Variants in DOCK3 observed in about 807,000 individuals in gnomAD.
DOCK3 encodes dedicator of cytokinesis protein 3.
Under a neutral mutation model 265.6 loss-of-function variants are expected in DOCK3, and 60 were observed. The observed-to-expected ratio is 0.23, with a 90% CI of 0.18 to 0.28. The LOEUF (loss-of-function observed/expected upper bound fraction) is 0.28. DOCK3 is among the 10% of genes least tolerant of loss of function. DOCK3 has a pLI of 1.00. For synonymous variants in DOCK3, 881 were observed against 938.0 expected (o/e 0.94, Z 1.11); for missense variants, 1,981 against 2,594.3 (o/e 0.76, Z 5.14).
rs1177315920 is a variant in DOCK3 at position 51,381,623 on chromosome 3, A to C, written c.*64A>C. On this transcript the variant is annotated 3_prime_UTR_variant, in exon 53 of 53. Transcript: ENST00000266037. This position sits in a 1 kb window ranked among gnomAD's most constrained non-coding sequence, Gnocchi z 5.6. Reference sequence around the variant, plus strand: ...AGCTTGCCAATCACTCCAGGTCTGAAAAGCAAGTCCCCCAGCCCCACCCCA... The same window carrying C: ...AGCTTGCCAATCACTCCAGGTCTGACAAGCAAGTCCCCCAGCCCCACCCCA... 5.6e-6 allele frequency: 8 copies of C among 1,438,564 alleles called. No individual in the cohort carries two copies. Among genetic ancestry groups the C allele is most frequent in the Non-Finnish European group, 7.3e-6 (8 of 1,100,906 alleles). The allele number at this position is 1,438,564 out of a possible 1,614,324, so 89.1% of individuals were successfully genotyped here.
chr3:51,007,292 C>A (rs1389065277), intron 5 of DOCK3, among the ~76,000 whole-genome samples: 2 of 152,058 alleles, frequency 1.3e-5, no homozygotes, highest in African/African-American at 4.8e-5. Flanking sequence ...CCTGTTGTTT[C>A]CTGACTTTTT....
chr3:50,697,515 C>G (rs547569679), intron 1 of DOCK3, among the ~76,000 whole-genome samples: 1 of 152,220 alleles, frequency 6.6e-6, no homozygotes, highest in Admixed American at 6.5e-5. Context: ...CACCTAAGCC[C>G]AGGAGGCGGA....
At chr3:50,709,726 T>C (rs1004948816) in intron 1 of DOCK3, among the ~76,000 whole-genome samples, 1 of 152,184 alleles carries the variant, frequency 6.6e-6, no homozygotes, top group African/African-American at 2.4e-5. Context: ...CTTGGGAGGC[T>C]GAGGCAGGAG....
At chr3:51,336,925 A>C (rs1279820619) in intron 35 of DOCK3, 1 of 455,840 alleles carries the variant, frequency 2.2e-6, no homozygotes. Context: ...GGGCCAACTT[A>C]CTGGGGAGAC....
At position 51,321,023 on chromosome 3, in the gene DOCK3, C is replaced by T. The variant is rs1235093034; in HGVS notation, c.3402+5895C>T. 5.9e-5 allele frequency among the ~76,000 whole-genome samples: 9 copies of T among 152,210 alleles called. No homozygotes were observed. In the East Asian group the frequency reaches 1.7e-3, roughly 29 times the overall value. On this transcript the variant is annotated intron_variant, in intron 32 of 52. Transcript: ENST00000266037. ...AAGTGGGTCCCTGACCCCCATGTCT[C>T]CTGACTGGGAGACATCTCTCAGTAG...
intron 9 of DOCK3, among the ~76,000 whole-genome samples, chr3:51,092,813 A>G (rs2082689326): frequency 6.6e-6 from 1 of 152,212 alleles, no homozygotes; most frequent in South Asian, 2.1e-4. Context: ...TTCCAGACGA[A>G]AGAACAGGCA....
intron 5 of DOCK3, among the ~76,000 whole-genome samples, chr3:51,037,639 T>G (rs1157358308): frequency 6.6e-6 from 1 of 152,152 alleles, no homozygotes; most frequent in Non-Finnish European, 1.5e-5. Context: ...TATAAGGAGA[T>G]TTATTGAGTA....
At position 51,246,811 on chromosome 3, in the gene DOCK3, A is replaced by T; in HGVS notation, c.2184+4A>T. ...CCACATTCAAGAAGCTATGCGGGTA[A>T]TGTACTAACCTCTCCATACATAAGA... On this transcript the variant is annotated splice_donor_region_variant and intron_variant, in intron 22 of 52. Coordinates refer to ENST00000266037, the MANE Select transcript of DOCK3 (RefSeq NM_004947.5). 1 of 1,612,018 alleles carries T rather than the reference A, an allele frequency of 6.2e-7. No homozygotes were observed. Among genetic ancestry groups the T allele is most frequent in the Non-Finnish European group, 8.5e-7 (1 of 1,179,054 alleles).
intron 5 of DOCK3, among the ~76,000 whole-genome samples, chr3:51,037,310 T>A (rs181399563): frequency 3.3e-5 from 5 of 152,290 alleles, no homozygotes; most frequent in East Asian, 1.9e-4. Flanking sequence ...AATTTTTTTT[T>A]AATTCCATAC....
intron 19 of DOCK3, among the ~76,000 whole-genome samples, chr3:51,234,828 G>A (rs1218196554): frequency 6.6e-6 from 1 of 152,200 alleles, no homozygotes; most frequent in Admixed American, 6.5e-5. Context: ...TCTGGGCAGA[G>A]TGTTTCCCCT....
intron 1 of DOCK3, among the ~76,000 whole-genome samples, chr3:50,708,693 T>C (rs1049880337): frequency 6.6e-6 from 1 of 152,168 alleles, no homozygotes; most frequent in Non-Finnish European, 1.5e-5. Flanking sequence ...ATGGCTAGGA[T>C]TGTGGGAGTC....
At chr3:50,814,711 G>T (rs34576538) in intron 2 of DOCK3, among the ~76,000 whole-genome samples, 14,356 of 152,028 alleles carry the variant, frequency 0.094, 838 homozygotes, top group Non-Finnish European at 0.12. Context: ...TCTTTCAGTT[G>T]TATTTATCTT....
rs781602922 is a variant in DOCK3, at chr3:51,275,052, T to C, written c.2549-27T>C. 10 of 1,613,764 alleles carry C rather than the reference T, an allele frequency of 6.2e-6. No homozygotes were observed. In the East Asian group the frequency reaches 1.8e-4, roughly 29 times the overall value. On this transcript the variant is annotated intron_variant, in intron 24 of 52. Transcript: ENST00000266037. ...AGTAGCTAGTTCTCCTCTAAAGTTT[T>C]CTTCACCTTTGTATTTTCTCTCCCA... is the stretch of plus-strand genomic sequence containing the variant.
intron 21 of DOCK3, among the ~76,000 whole-genome samples, chr3:51,244,133 G>T (rs1280335518): frequency 1.3e-5 from 2 of 152,142 alleles, no homozygotes. Flanking sequence ...TTGAAATCAG[G>T]AAGTATGAGA....
chr3:51,083,401 C>T (rs1243218618), intron 7 of DOCK3, among the ~76,000 whole-genome samples: 1 of 152,118 alleles, frequency 6.6e-6, no homozygotes, highest in East Asian at 1.9e-4. Context: ...AGCAAAGATA[C>T]ATGACACTTC....
chr3:51,316,221 T>A (rs935584382), intron 32 of DOCK3, among the ~76,000 whole-genome samples: 1 of 152,198 alleles, frequency 6.6e-6, no homozygotes, highest in Non-Finnish European at 1.5e-5. Flanking sequence ...TTTTCTAGAC[T>A]GTCATATAAA....
At chr3:50,886,990 G>A (rs1185184165) in intron 3 of DOCK3, among the ~76,000 whole-genome samples, 1 of 152,062 alleles carries the variant, frequency 6.6e-6, no homozygotes, top group African/African-American at 2.4e-5. Context: ...AAAGCTAGCA[G>A]AAGGCAAGAA....
In DOCK3 at chr3:50,921,998, C is replaced by T. The variant is rs144786010; in HGVS notation, c.219-11983C>T. Among the ~76,000 whole-genome samples, 189 of 152,216 alleles carry T rather than the reference C, an allele frequency of 1.2e-3. 1 individual carries two copies. Among genetic ancestry groups the T allele is most frequent in the African/African-American group, 4.2e-3 (176 of 41,552 alleles). ...GGTATCTCCCAGTTAGGCTACTCAGCGGTAAAGGACCCACTTGAGGAGGCA... is the reference window on the plus strand; with the variant it reads ...GGTATCTCCCAGTTAGGCTACTCAGTGGTAAAGGACCCACTTGAGGAGGCA... On this transcript the variant is annotated intron_variant, in intron 4 of 52. Transcript: ENST00000266037.
intron 1 of DOCK3, among the ~76,000 whole-genome samples, chr3:50,719,159 CTT>C (rs576930358): frequency 6.7e-6 from 1 of 149,156 alleles, no homozygotes; most frequent in Admixed American, 6.7e-5. Flanking sequence ...CTTGTATTCT[CTT>C]TTTTTTTAGG....
Sources: gnomAD v4.1 joint callset for allele counts (sites outside exome capture counted in the v4.1 genomes callset) on GRCh38, gnomAD v4.1.1 for gene constraint, Gnocchi (gnomAD v3.1) non-coding constraint, MANE v1.5 for transcripts, NCBI Gene and HGNC (gene_info 2026-07-23, HGNC 2026-07-21) for gene names.